The following PTPRD variants were observed in gnomAD, a reference collection of about 807,000 sequenced individuals.
PTPRD encodes protein tyrosine phosphatase receptor type D.
In PTPRD, 34 loss-of-function variants were observed where a neutral mutation model predicts 214.5. That is an observed-to-expected ratio of 0.16 (90% CI 0.12 to 0.21). The LOEUF is 0.21. PTPRD is among the 10% of genes least tolerant of loss of function. The pLI is 1.00. For synonymous variants in PTPRD, 1,128 were observed against 845.7 expected, an observed-to-expected ratio of 1.33 and a Z score of -5.79; for missense variants, 2,545 against 2,398.7, an observed-to-expected ratio of 1.06 and a Z score of -1.27.
chr9:9,570,658 C>T (rs2086088173), intron 8 of PTPRD, among the ~76,000 whole-genome samples: 1 of 151,426 alleles, frequency 6.6e-6, no homozygotes, highest in South Asian at 2.1e-4. Context: ...TGTGTTTTAC[C>T]TTTGTTCTCC....
chr9:10,103,160 G>A (rs141626024), intron 3 of PTPRD, among the ~76,000 whole-genome samples: 27 of 151,404 alleles, frequency 1.8e-4, no homozygotes, highest in African/African-American at 5.8e-4. Flanking sequence ...CACGCATCTT[G>A]GAATGGTTTT....
At chr9:8,903,683 T>C (rs1315074082) in intron 11 of PTPRD, among the ~76,000 whole-genome samples, 2 of 152,218 alleles carry the variant, frequency 1.3e-5, no homozygotes, top group African/African-American at 4.8e-5. Flanking sequence ...TTATAGTAAG[T>C]AATTATCTTC....
intron 7 of PTPRD, among the ~76,000 whole-genome samples, chr9:9,655,200 T>C (rs193137269): frequency 9.2e-5 from 14 of 152,266 alleles, no homozygotes; most frequent in Non-Finnish European, 1.9e-4. Flanking sequence ...TTGCACAAGA[T>C]ATAGCTGATA....
intron 4 of PTPRD, among the ~76,000 whole-genome samples, chr9:9,989,016 C>CAAAAAAAA (rs397836899): frequency 0.01 from 380 of 36,278 alleles, 74 homozygotes; most frequent in African/African-American, 0.022. Context: ...TTTCACTGAC[C>CAAAAAAAA]AAAAAAAAAA....
At chr9:9,492,904 A>G (rs2095982624) in intron 8 of PTPRD, among the ~76,000 whole-genome samples, 1 of 148,636 alleles carries the variant, frequency 6.7e-6, no homozygotes, top group Non-Finnish European at 1.5e-5. Flanking sequence ...GATTGTTGAT[A>G]TTACTATTGT....
At chr9:9,044,770 CT>C (rs370296533) in intron 10 of PTPRD, among the ~76,000 whole-genome samples, 1 of 152,004 alleles carries the variant, frequency 6.6e-6, no homozygotes, top group Non-Finnish European at 1.5e-5. Context: ...TCCCTTTTAC[CT>C]TTTTTCCATT....
intron 7 of PTPRD, among the ~76,000 whole-genome samples, chr9:9,601,283 G>C (rs2093749437): frequency 6.6e-6 from 1 of 151,956 alleles, no homozygotes; most frequent in Non-Finnish European, 1.5e-5. Context: ...ATGAAGCTTT[G>C]TGAGATTTTA....
At chr9:9,165,875 G>C (rs1345973579) in intron 10 of PTPRD, among the ~76,000 whole-genome samples, 4 of 152,074 alleles carry the variant, frequency 2.6e-5, no homozygotes, top group Non-Finnish European at 5.9e-5. Context: ...ATGTAATACT[G>C]AATGAGTACA....
chr9:8,716,000 C>T (rs1460162373), intron 12 of PTPRD, among the ~76,000 whole-genome samples: 1 of 152,268 alleles, frequency 6.6e-6, no homozygotes, highest in African/African-American at 2.4e-5. Context: ...GGCTGAACTA[C>T]TGTTCACCTG....
intron 10 of PTPRD, among the ~76,000 whole-genome samples, chr9:9,072,414 A>G (rs10117488): frequency 0.015 from 2,292 of 152,066 alleles, 67 homozygotes; most frequent in African/African-American, 0.052. Context: ...TTGGAAGCCA[A>G]TGTTGTAAGA....
Position 9,966,068 on chromosome 9 carries a change from T to A in PTPRD, c.-471-27458A>T, listed in dbSNP as rs937540245. On this transcript the variant is annotated intron_variant, in intron 4 of 45. Transcript: ENST00000381196. ...GCATAGAAGCATGCTGTTTTCCACT[T>A]TGGTATTTACACATAGAGAAACTAT... 3.3e-5 allele frequency among the ~76,000 whole-genome samples: 5 copies of A among 152,240 alleles called. No homozygotes were observed. In the South Asian group the frequency reaches 1.0e-3, roughly 32 times the overall value.
chr9:9,600,431 T>TAGTC (rs112943606), intron 7 of PTPRD, among the ~76,000 whole-genome samples: 147,059 of 151,658 alleles, frequency 0.97, 71,272 homozygotes, highest in East Asian at 1. Context: ...TTCATTGTAT[T>TAGTC]AGCCCCCGTT....
chr9:10,403,990 C>T (rs1565818281), intron 2 of PTPRD, among the ~76,000 whole-genome samples: 1 of 151,588 alleles, frequency 6.6e-6, no homozygotes, highest in Non-Finnish European at 1.5e-5. Flanking sequence ...CTAATGGAAA[C>T]CATGGACTTT....
intron 3 of PTPRD, among the ~76,000 whole-genome samples, chr9:10,122,222 C>CT (rs2098781745): frequency 6.6e-6 from 1 of 152,076 alleles, no homozygotes; most frequent in African/African-American, 2.4e-5. Flanking sequence ...GCAGGAGAAT[C>CT]ACTTGAACCT....
intron 4 of PTPRD, among the ~76,000 whole-genome samples, chr9:9,970,454 A>C (rs2095028606): frequency 7.8e-6 from 1 of 128,050 alleles, no homozygotes; most frequent in African/African-American, 2.9e-5. Context: ...GAAAAAGAAA[A>C]AGAAAAAGAA....
At chr9:10,356,508 T>C (rs536127412) in intron 2 of PTPRD, among the ~76,000 whole-genome samples, 2 of 152,268 alleles carry the variant, frequency 1.3e-5, no homozygotes, top group East Asian at 1.9e-4. Context: ...AATAAAACTA[T>C]ATAGGCACTT....
At chr9:8,763,178 T>G (rs1387376506) in intron 11 of PTPRD, among the ~76,000 whole-genome samples, 1 of 152,174 alleles carries the variant, frequency 6.6e-6, no homozygotes, top group African/African-American at 2.4e-5. Context: ...TTCTCATTTG[T>G]TAGCTTGAGA....
At chr9:9,121,885 T>A (rs2099817976) in intron 10 of PTPRD, among the ~76,000 whole-genome samples, 1 of 152,196 alleles carries the variant, frequency 6.6e-6, no homozygotes, top group African/African-American at 2.4e-5. Context: ...ATATTTTGGC[T>A]CATGTTCTGA....
chr9:9,934,066 C>A (rs1602761038), intron 5 of PTPRD, among the ~76,000 whole-genome samples: 2 of 149,560 alleles, frequency 1.3e-5, no homozygotes, highest in South Asian at 4.2e-4. Flanking sequence ...ATCTCTGGGA[C>A]ACATTCAAAG....
Sources: allele counts gnomAD v4.1 joint callset (sites outside exome capture counted in the v4.1 genomes callset), GRCh38; gene constraint gnomAD v4.1.1; transcripts MANE v1.5; gene names NCBI Gene and HGNC (gene_info 2026-07-23, HGNC 2026-07-21).